Variants in CXCL5 observed in about 807,000 individuals in gnomAD.
The protein encoded by CXCL5 is C-X-C motif chemokine 5.
In CXCL5, 13 loss-of-function variants were observed where a neutral mutation model predicts 12.1. The observed-to-expected ratio is 1.08, with a 90% CI of 0.70 to 1.71. The LOEUF (loss-of-function observed/expected upper bound fraction) is 1.71, where lower values mean the gene tolerates loss of function less well. CXCL5 is among the 40% of genes most tolerant of loss of function. CXCL5 has a pLI of 0.00. For missense variants in CXCL5, 159 were observed against 142.4 expected, an observed-to-expected ratio of 1.12 and a Z score of -0.59; for synonymous variants, 67 against 59.0, an observed-to-expected ratio of 1.14 and a Z score of -0.62.
chr4:73,997,446 T>C lies in CXCL5; in HGVS notation c.*191A>G. 3.5e-6 allele frequency: 2 copies of C among 575,974 alleles called. No individual in the cohort carries two copies. The highest frequency in any genetic ancestry group is 6.1e-6 in the Non-Finnish European group (2 of 328,442). The allele number at this position is 575,974 out of a possible 1,614,324, so 35.7% of individuals were successfully genotyped here. A position where few individuals can be genotyped will look rare whatever the true frequency, so the allele number is the denominator to read the frequency against. On this transcript the variant is annotated 3_prime_UTR_variant, in exon 4 of 4. Coordinates refer to ENST00000296027, the MANE Select transcript of CXCL5 (RefSeq NM_002994.5). The stretch of plus-strand genomic sequence containing the variant: ...CACTTCATTAGCTGAGCTGAAAGCT[T>C]AAGCGGCAAACATAGGTTTTCCTCA...
chr4:73,998,408 C>T, intron 1 of CXCL5, 65 bp downstream of exon 1: 3 of 1,607,900 alleles, frequency 1.9e-6, no homozygotes, highest in Non-Finnish European at 2.5e-6. Context: ...GCAGCGACCC[C>T]GCAGAGGCTG....
chr4:73,998,009 T>C lies in CXCL5; in HGVS notation c.326+3A>G, dbSNP rs369381841. 6 of 1,612,960 alleles carry C rather than the reference T, an allele frequency of 3.7e-6. No individual in the cohort carries two copies. The highest frequency in any genetic ancestry group is 5.1e-6 in the Non-Finnish European group (6 of 1,179,084). ...AAACCACAAAGATCAAAGTGACAAGTACCCGTCCAAAATTTTCTGGATGAC... is the reference window on the plus strand; with the variant it reads ...AAACCACAAAGATCAAAGTGACAAGCACCCGTCCAAAATTTTCTGGATGAC... On this transcript the variant is annotated splice_donor_region_variant and intron_variant, in intron 3 of 3. Transcript: ENST00000296027.
chr4:73,997,923 C>A, intron 3 of CXCL5, 89 bp downstream of exon 3: 1 of 1,180,014 alleles, frequency 8.5e-7, no homozygotes, highest in Non-Finnish European at 1.2e-6. Flanking sequence ...AAAAGTGTTA[C>A]TTAAATCGTA....
At chr4:73,998,365 A>T in intron 1 of CXCL5, 27 bp from the exon 2 acceptor site, 1 of 1,613,350 alleles carries the variant, frequency 6.2e-7, no homozygotes, top group Non-Finnish European at 8.5e-7. Flanking sequence ...GACACCCTTT[A>T]TAGGGCAGGT....
rs199912242 is a variant in CXCL5, at chr4:73,998,368, G to A, written c.110-30C>T. ...GGAAGAAAGAGAGACACCCTTTATA[G>A]GGCAGGTTGCTGGGAGAGTTCCCTG... On this transcript the variant is annotated intron_variant, in intron 1 of 3. Transcript: ENST00000296027. 8.7e-6 allele frequency: 14 copies of A among 1,612,758 alleles called. No individual in the cohort carries two copies. The African/African-American group carries it at 1.3e-4, about 15-fold the overall frequency.
chr4:73,997,337 C>A lies in CXCL5; in HGVS notation c.*300G>T, dbSNP rs112731620. 1 of 328,018 alleles carries A rather than the reference C, an allele frequency of 3.0e-6. No individual in the cohort carries two copies. 20.3% of individuals were successfully genotyped at this position (328,018 alleles called of 1,614,324 possible). On this transcript the variant is annotated 3_prime_UTR_variant, in exon 4 of 4. Coordinates refer to ENST00000296027, the MANE Select transcript of CXCL5 (RefSeq NM_002994.5). ...TTTGAAAGATTAACAGCCAGTGATT[C>A]CTGGCTCACACTATAGTCAATTGCC...
chr4:73,996,949 T>C lies in CXCL5; in HGVS notation c.*688A>G, dbSNP rs1203114745. On this transcript the variant is annotated 3_prime_UTR_variant, in exon 4 of 4. Coordinates refer to ENST00000296027, the MANE Select transcript of CXCL5 (RefSeq NM_002994.5). Reference sequence around the variant, plus strand: ...AAAAGTAAATGATGGCAGTTTGCCATACTAAAAAGATAAAGAATGTCTAAA... The same window carrying C: ...AAAAGTAAATGATGGCAGTTTGCCACACTAAAAAGATAAAGAATGTCTAAA... 6.6e-6 allele frequency: 1 copy of C among 152,160 alleles called. No individual in the cohort carries two copies. The highest frequency in any genetic ancestry group is 1.5e-5 in the Non-Finnish European group (1 of 68,024). 9.4% of individuals were successfully genotyped at this position (152,160 alleles called of 1,614,324 possible).
rs1485746999 is a variant in CXCL5, at chr4:73,996,540, A to G, written c.*1097T>C. 6.6e-6 allele frequency: 1 copy of G among 152,362 alleles called. No homozygotes were observed. Among genetic ancestry groups the G allele is most frequent in the Non-Finnish European group, 1.5e-5 (1 of 67,982 alleles). 9.4% of individuals were successfully genotyped at this position (152,362 alleles called of 1,614,324 possible). ...TATGATTTTGGAAAATCTAACCCATACAGAGGGATAAAAAATTGACATCCC... is the reference window on the plus strand; with the variant it reads ...TATGATTTTGGAAAATCTAACCCATGCAGAGGGATAAAAAATTGACATCCC... On this transcript the variant is annotated 3_prime_UTR_variant, in exon 4 of 4. Transcript: ENST00000296027.
rs111813861 is a variant in CXCL5, at chr4:73,998,013, C to T, written c.325G>A (p.Gly109Ser). Residue 109 changes from glycine to serine, a missense_variant and splice_region_variant, in exon 3 of 4, where the codon GGT becomes AGT. Coordinates refer to ENST00000296027, the MANE Select transcript of CXCL5 (RefSeq NM_002994.5). ...LKKVIQKILDGGNKEN is the reference protein window; with the variant it reads ...LKKVIQKILDSGNKEN ...CACAAAGATCAAAGTGACAAGTACCCGTCCAAAATTTTCTGGATGACTTTC... is the reference window on the plus strand; with the variant it reads ...CACAAAGATCAAAGTGACAAGTACCTGTCCAAAATTTTCTGGATGACTTTC... The T allele has an allele frequency of 1.2e-6, 2 of 1,613,432 alleles. No homozygotes were observed. The highest frequency in any genetic ancestry group is 1.7e-6 in the Non-Finnish European group (2 of 1,179,424).
chr4:73,997,539 A>T lies in CXCL5; in HGVS notation c.*98T>A. ...GAAAAACAAATAAACAAACAACAAC[A>T]AAATCTTTCCTTCTTGTCTTCCCTG... On this transcript the variant is annotated 3_prime_UTR_variant, in exon 4 of 4. Transcript: ENST00000296027. 1.1e-6 allele frequency: 1 copy of T among 924,326 alleles called. No individual in the cohort carries two copies. 57.3% of individuals were successfully genotyped at this position (924,326 alleles called of 1,614,324 possible).
intron 3 of CXCL5, 118 bp from the exon 4 acceptor site, chr4:73,997,773 A>G: frequency 1.2e-6 from 1 of 868,820 alleles, no homozygotes; most frequent in Non-Finnish European, 1.8e-6. Context: ...AAATCAATAA[A>G]AGCAATGGGT....
chr4:73,997,356 A>G lies in CXCL5; in HGVS notation c.*281T>C. On this transcript the variant is annotated 3_prime_UTR_variant, in exon 4 of 4. Coordinates refer to ENST00000296027, the MANE Select transcript of CXCL5 (RefSeq NM_002994.5). The stretch of plus-strand genomic sequence containing the variant: ...GTGATTCCTGGCTCACACTATAGTC[A>G]ATTGCCAAAACTTCAATAGCATAGC... The G allele has an allele frequency of 2.7e-6, 1 of 366,128 alleles. No individual in the cohort carries two copies. Among genetic ancestry groups the G allele is most frequent in the South Asian group, 1.1e-4 (1 of 9,190 alleles). 22.7% of individuals were successfully genotyped at this position (366,128 alleles called of 1,614,324 possible).
rs1233806942 is a variant in CXCL5, at chr4:73,996,576, TCTC to T, written c.*1058_*1060del. The T allele has an allele frequency of 6.6e-6, 1 of 152,478 alleles. No individual in the cohort carries two copies. Among genetic ancestry groups the T allele is most frequent in the Non-Finnish European group, 1.5e-5 (1 of 68,018 alleles). 9.4% of individuals were successfully genotyped at this position (152,478 alleles called of 1,614,324 possible). A position where few individuals can be genotyped will look rare whatever the true frequency, so the allele number is the denominator to read the frequency against. On this transcript the variant is annotated 3_prime_UTR_variant, in exon 4 of 4. Transcript: ENST00000296027. Reference sequence around the variant, plus strand: ...AAAAATTGACATCCCTTGGACAACTTCTCCTTGTTTTTTTTTGTTTTGTTTTGT... The same window carrying T: ...AAAAATTGACATCCCTTGGACAACTTCTTGTTTTTTTTTGTTTTGTTTTGT...
At position 73,995,921 on chromosome 4, in the gene CXCL5, T is replaced by C. The variant is rs1007090829; in HGVS notation, c.*1716A>G. 6.6e-6 allele frequency: 1 copy of C among 151,386 alleles called. No individual in the cohort carries two copies. Among genetic ancestry groups the C allele is most frequent in the African/African-American group, 2.4e-5 (1 of 41,232 alleles). 9.4% of individuals were successfully genotyped at this position (151,386 alleles called of 1,614,324 possible). A position where few individuals can be genotyped will look rare whatever the true frequency, so the allele number is the denominator to read the frequency against. ...TTTTTCTTGCAGTAGCTTTGTTAAT[T>C]GCACAAAATTATGTTTTGTTTTTGC... On this transcript the variant is annotated 3_prime_UTR_variant, in exon 4 of 4. Transcript: ENST00000296027.
Position 73,997,992 on chromosome 4 carries a change from A to T in CXCL5, c.326+20T>A, listed in dbSNP as rs368292646. 2 of 1,602,128 alleles carry T rather than the reference A, an allele frequency of 1.2e-6. No homozygotes were observed. The highest frequency in any genetic ancestry group is 1.7e-6 in the Non-Finnish European group (2 of 1,169,412). ...CCCTAGATCAGATTTAGAAACCACA[A>T]AGATCAAAGTGACAAGTACCCGTCC... On this transcript the variant is annotated intron_variant, in intron 3 of 3. Transcript: ENST00000296027.
Position 73,998,609 on chromosome 4 carries a change from C to T in CXCL5, c.-28G>A, listed in dbSNP as rs748804385. ...TGGTCAAGAGAGCGCTGCGAGCGGT[C>T]GCGGGTTCCTGAACTGGGTGGAGGA... On this transcript the variant is annotated 5_prime_UTR_variant, in exon 1 of 4. Coordinates refer to ENST00000296027, the MANE Select transcript of CXCL5 (RefSeq NM_002994.5). The T allele has an allele frequency of 3.9e-6, 6 of 1,553,510 alleles. No individual in the cohort carries two copies. The highest frequency in any genetic ancestry group is 3.4e-4 in the Middle Eastern group (2 of 5,962).
At position 73,998,619 on chromosome 4, in the gene CXCL5, T is replaced by C; in HGVS notation, c.-38A>G. On this transcript the variant is annotated 5_prime_UTR_variant, in exon 1 of 4. Coordinates refer to ENST00000296027, the MANE Select transcript of CXCL5 (RefSeq NM_002994.5). ...AGCGCTGCGAGCGGTCGCGGGTTCC[T>C]GAACTGGGTGGAGGAGCGGAGATTG... 1 of 1,531,272 alleles carries C rather than the reference T, an allele frequency of 6.5e-7. No homozygotes were observed. The highest frequency in any genetic ancestry group is 8.9e-7 in the Non-Finnish European group (1 of 1,127,622). The allele number at this position is 1,531,272 out of a possible 1,614,324, so 94.9% of individuals were successfully genotyped here.
At position 73,997,608 on chromosome 4, in the gene CXCL5, AC is replaced by A; in HGVS notation, c.*28del. 1 of 1,596,712 alleles carries A rather than the reference AC, an allele frequency of 6.3e-7. No homozygotes were observed. ...AAACTTCTCTGCTGAAGACTGGGAAACTTTTCCATGCGTGCTCATTTCTCTT... is the reference window on the plus strand; with the variant it reads ...AAACTTCTCTGCTGAAGACTGGGAAATTTTCCATGCGTGCTCATTTCTCTT... On this transcript the variant is annotated 3_prime_UTR_variant, in exon 4 of 4. Coordinates refer to ENST00000296027, the MANE Select transcript of CXCL5 (RefSeq NM_002994.5).
At position 73,998,457 on chromosome 4, in the gene CXCL5, C is replaced by A. The variant is rs1477627084; in HGVS notation, c.109+16G>T. ...TGCCCGAGTGCGAGTGCGTCCCGCG[C>A]GCCATGCGCTCTCACCGCTGGCGAT... is the stretch of plus-strand genomic sequence containing the variant. On this transcript the variant is annotated intron_variant, in intron 1 of 3. Transcript: ENST00000296027. The A allele has an allele frequency of 2.5e-6, 4 of 1,606,018 alleles. No homozygotes were observed. Among genetic ancestry groups the A allele is most frequent in the African/African-American group, 2.7e-5 (2 of 74,798 alleles).
Sources: allele counts gnomAD v4.1 joint callset, GRCh38; gene constraint gnomAD v4.1.1; transcripts MANE v1.5; gene names NCBI Gene and HGNC (gene_info 2026-07-23, HGNC 2026-07-21).